Variants in ADAMTS6 observed in about 807,000 individuals in gnomAD.
The protein encoded by ADAMTS6 is ADAM metallopeptidase with thrombospondin type 1 motif 6.
ADAMTS6 carries 23 observed loss-of-function variants against 144.3 expected under a neutral mutation model. That is an observed-to-expected ratio of 0.16 (90% confidence interval 0.11 to 0.23). ADAMTS6 has a LOEUF of 0.23. Ranked by LOEUF, ADAMTS6 falls within the 10% of genes least tolerant of loss-of-function variation. ADAMTS6 has a pLI of 1.00. For synonymous variants in ADAMTS6, 444 were observed against 457.5 expected, an observed-to-expected ratio of 0.97 and a Z score of 0.38; for missense variants, 999 against 1,379.6, an observed-to-expected ratio of 0.72 and a Z score of 4.37.
rs187608125 is a variant in ADAMTS6 at position 65,226,356 on chromosome 5, C to T, written c.1934-137G>A. ...ATGCCTGATTGTGTAGGTTTCTTTC[C>T]CCCTTTTCTAAAATTTCACCTTTAT... On this transcript the variant is annotated intron_variant, in intron 15 of 24. Transcript: ENST00000381055. The T allele has an allele frequency of 2.5e-3, 2,148 of 876,040 alleles. 10 individuals are homozygous for T. The highest frequency in any genetic ancestry group is 0.019 in the Middle Eastern group (70 of 3,738). The allele number at this position is 876,040 out of a possible 1,614,324, so 54.3% of individuals were successfully genotyped here. A position where few individuals can be genotyped will look rare whatever the true frequency, so the allele number is the denominator to read the frequency against.
intron 3 of ADAMTS6, among the ~76,000 whole-genome samples, chr5:65,469,519 T>C (rs6896859): frequency 0.31 from 46,881 of 152,160 alleles, 11,481 homozygotes; most frequent in African/African-American, 0.69. Flanking sequence ...TAATTTTATT[T>C]AAAAAAATAA....
chr5:65,449,100 T>A (rs1250169088), intron 7 of ADAMTS6, among the ~76,000 whole-genome samples: 1 of 152,210 alleles, frequency 6.6e-6, no homozygotes, highest in Non-Finnish European at 1.5e-5. Flanking sequence ...ATGGCCCTAG[T>A]AATTCAAACA....
At chr5:65,327,057 G>A (rs1235131728) in intron 9 of ADAMTS6, among the ~76,000 whole-genome samples, 1 of 152,124 alleles carries the variant, frequency 6.6e-6, no homozygotes, top group African/African-American at 2.4e-5. Context: ...CCTCATAATT[G>A]GCTTGGTGCC....
rs530489154 is a variant in ADAMTS6, at chr5:65,162,913, TG to T, written c.3244+7703del. On this transcript the variant is annotated intron_variant, in intron 24 of 24. Coordinates refer to ENST00000381055, the MANE Select transcript of ADAMTS6 (RefSeq NM_197941.4). ...AGACAGATTTTGTTCTGTTTTGTTT[TG>T]GGGGGGTTTTTCTGAGACAGAGTCT... Among the ~76,000 whole-genome samples, 31 of 152,182 alleles carry T rather than the reference TG, an allele frequency of 2.0e-4. No homozygotes were observed. The South Asian group carries it at 5.8e-3, about 29-fold the overall frequency.
chr5:65,430,491 C>T (rs1756910188), intron 7 of ADAMTS6, among the ~76,000 whole-genome samples: 1 of 152,168 alleles, frequency 6.6e-6, no homozygotes, highest in Admixed American at 6.6e-5. Context: ...CAGGACACTA[C>T]TGGATTATTC....
rs553671641 is a variant in ADAMTS6, at chr5:65,461,226, T to C, written c.463-888A>G. Among the ~76,000 whole-genome samples the C allele has an allele frequency of 1.2e-4, 18 of 152,346 alleles. No homozygotes were observed. In the East Asian group the frequency reaches 3.5e-3, roughly 29 times the overall value. ...CTCCACTGAGCTCCAATAGAGCTAA[T>C]TCTCAGTATCACTTATTTTCAATTA... On this transcript the variant is annotated intron_variant, in intron 3 of 24. Coordinates refer to ENST00000381055, the MANE Select transcript of ADAMTS6 (RefSeq NM_197941.4).
At chr5:65,419,252 T>C (rs1353873750) in intron 7 of ADAMTS6, among the ~76,000 whole-genome samples, 4 of 152,242 alleles carry the variant, frequency 2.6e-5, no homozygotes, top group Non-Finnish European at 4.4e-5. Context: ...TGCAGCAACA[T>C]GAATGCAACT....
At chr5:65,263,991 C>T (rs181561060) in intron 12 of ADAMTS6, among the ~76,000 whole-genome samples, 12 of 152,206 alleles carry the variant, frequency 7.9e-5, no homozygotes, top group African/African-American at 2.9e-4. Context: ...GTTTATTATA[C>T]TAATTCTATC....
At chr5:65,435,255 C>T (rs116139531) in intron 7 of ADAMTS6, among the ~76,000 whole-genome samples, 329 of 152,072 alleles carry the variant, frequency 2.2e-3, no homozygotes, top group African/African-American at 7.4e-3. Context: ...AGAATACAAA[C>T]GTGGATAGGG....
At chr5:65,225,259 C>A (rs773254782) in intron 16 of ADAMTS6, among the ~76,000 whole-genome samples, 1 of 152,118 alleles carries the variant, frequency 6.6e-6, no homozygotes, top group Non-Finnish European at 1.5e-5. Flanking sequence ...AAATAAACTA[C>A]CCCTTGCCCA....
At chr5:65,349,810 G>A (rs949301237) in intron 7 of ADAMTS6, among the ~76,000 whole-genome samples, 51 of 151,116 alleles carry the variant, frequency 3.4e-4, no homozygotes, top group African/African-American at 1.1e-3. Context: ...AGCCGAGATC[G>A]TGCCACTACA....
intron 7 of ADAMTS6, among the ~76,000 whole-genome samples, chr5:65,419,862 C>T (rs1277101863): frequency 6.6e-6 from 1 of 152,130 alleles, no homozygotes; most frequent in Admixed American, 6.5e-5. Flanking sequence ...CAAATGGGCA[C>T]AAGGTTTCTT....
At chr5:65,422,517 G>A (rs1223627527) in intron 7 of ADAMTS6, among the ~76,000 whole-genome samples, 1 of 152,182 alleles carries the variant, frequency 6.6e-6, no homozygotes, top group Admixed American at 6.5e-5. Context: ...AGCTACTCAG[G>A]AGGCTAAGGC....
At chr5:65,391,190 G>A (rs6897772) in intron 7 of ADAMTS6, among the ~76,000 whole-genome samples, 16,590 of 152,038 alleles carry the variant, frequency 0.11, 1,025 homozygotes, top group African/African-American at 0.14. Flanking sequence ...CAAGTGCCAG[G>A]ATTACAGGTA....
intron 21 of ADAMTS6, among the ~76,000 whole-genome samples, chr5:65,191,705 A>AT (rs1046080746): frequency 1.3e-5 from 2 of 151,990 alleles, no homozygotes; most frequent in Non-Finnish European, 2.9e-5. Flanking sequence ...AATAAAAAGA[A>AT]TTTTTTTTCA....
At chr5:65,379,889 C>T (rs1488475566) in intron 7 of ADAMTS6, among the ~76,000 whole-genome samples, 2 of 151,716 alleles carry the variant, frequency 1.3e-5, no homozygotes, top group Non-Finnish European at 2.9e-5. Context: ...CATACATTTG[C>T]CTTTTAACTT....
At chr5:65,299,508 G>A (rs931864088) in intron 10 of ADAMTS6, among the ~76,000 whole-genome samples, 7 of 152,044 alleles carry the variant, frequency 4.6e-5, no homozygotes, top group African/African-American at 1.7e-4. Flanking sequence ...AAAATGGATC[G>A]CTTAATACAC....
At chr5:65,408,918 G>T (rs1754811037) in intron 7 of ADAMTS6, among the ~76,000 whole-genome samples, 1 of 152,170 alleles carries the variant, frequency 6.6e-6, no homozygotes, top group African/African-American at 2.4e-5. Flanking sequence ...ATAACGAAAT[G>T]AAGGCAGAAA....
At position 65,211,527 on chromosome 5, in the gene ADAMTS6, G is replaced by A. The variant is rs552493674; in HGVS notation, c.2575+3267C>T. On this transcript the variant is annotated intron_variant, in intron 20 of 24. Coordinates refer to ENST00000381055, the MANE Select transcript of ADAMTS6 (RefSeq NM_197941.4). ...TGAGGTGGAATAGTCACTTAAACCC[G>A]GGAGGCAGAGGTTGCAGTGAGCCGA... Among the ~76,000 whole-genome samples, 12 of 151,242 alleles carry A rather than the reference G, an allele frequency of 7.9e-5. No homozygotes were observed. In the East Asian group the frequency reaches 1.2e-3, roughly 15 times the overall value.
Sources: allele counts gnomAD v4.1 joint callset (sites outside exome capture counted in the v4.1 genomes callset), GRCh38; gene constraint gnomAD v4.1.1; transcripts MANE v1.5; gene names NCBI Gene and HGNC (gene_info 2026-07-23, HGNC 2026-07-21).